CACNA2D3: variants seen among roughly 807,000 people sequenced by gnomAD.
CACNA2D3 encodes the protein voltage-dependent calcium channel subunit alpha-2/delta-3.
CACNA2D3 carries 60 observed loss-of-function variants against 160.6 expected under a neutral mutation model. The observed-to-expected ratio is 0.37, with a 90% CI of 0.30 to 0.46. CACNA2D3 has a LOEUF of 0.46. CACNA2D3 is among the 20% of genes least tolerant of loss of function. CACNA2D3 has a pLI of 1.00. For missense variants in CACNA2D3, 1,205 were observed against 1,365.0 expected, an observed-to-expected ratio of 0.88 and a Z score of 1.85; for synonymous variants, 558 against 492.9, an observed-to-expected ratio of 1.13 and a Z score of -1.75.
At chr3:54,636,603 G>C (rs1699377963) in intron 10 of CACNA2D3, among the ~76,000 whole-genome samples, 1 of 152,018 alleles carries the variant, frequency 6.6e-6, no homozygotes, top group Non-Finnish European at 1.5e-5. Flanking sequence ...GGCTAAAACA[G>C]TAAGGTCAAG....
chr3:54,804,531 G>C (rs890442166), intron 13 of CACNA2D3, among the ~76,000 whole-genome samples: 1 of 152,234 alleles, frequency 6.6e-6, no homozygotes, highest in Non-Finnish European at 1.5e-5. Flanking sequence ...CCCAATACAG[G>C]AGCACCCAGT....
intron 2 of CACNA2D3, among the ~76,000 whole-genome samples, chr3:54,260,842 G>A (rs1222457876): frequency 6.6e-6 from 1 of 152,016 alleles, no homozygotes; most frequent in East Asian, 1.9e-4. Context: ...TTTCAGCTCA[G>A]ATATCATCTC....
intron 3 of CACNA2D3, among the ~76,000 whole-genome samples, chr3:54,328,795 C>G (rs1298663902): frequency 6.6e-6 from 1 of 152,134 alleles, no homozygotes; most frequent in Non-Finnish European, 1.5e-5. Flanking sequence ...AGGGGCCCTC[C>G]CCTTCTCCTC....
intron 35 of CACNA2D3, among the ~76,000 whole-genome samples, chr3:55,033,828 TA>T (rs372184952): frequency 0.074 from 4,073 of 55,282 alleles, 51 homozygotes; most frequent in Non-Finnish European, 0.088. Context: ...TAAATATATT[TA>T]ATATATAATA....
At chr3:54,945,842 A>G (rs1251743006) in intron 27 of CACNA2D3, among the ~76,000 whole-genome samples, 1 of 152,182 alleles carries the variant, frequency 6.6e-6, no homozygotes, top group Non-Finnish European at 1.5e-5. Flanking sequence ...TCTGCCAGGT[A>G]GTCAGTGGGC....
chr3:54,518,857 C>T (rs1701598101), intron 5 of CACNA2D3, among the ~76,000 whole-genome samples: 1 of 152,166 alleles, frequency 6.6e-6, no homozygotes, highest in Non-Finnish European at 1.5e-5. Context: ...AAGCCATCTT[C>T]AGCCTATAAA....
chr3:54,459,104 A>G (rs1372973220), intron 4 of CACNA2D3, among the ~76,000 whole-genome samples: 1 of 152,136 alleles, frequency 6.6e-6, no homozygotes, highest in Non-Finnish European at 1.5e-5. Flanking sequence ...ACATGAACAC[A>G]TCATTTTTAT....
chr3:54,763,449 CTAT>C (rs1702121286), intron 12 of CACNA2D3, among the ~76,000 whole-genome samples: 3 of 152,002 alleles, frequency 2.0e-5, no homozygotes, highest in South Asian at 4.2e-4. Flanking sequence ...TTAATCATAA[CTAT>C]TATTGTTATG....
intron 11 of CACNA2D3, among the ~76,000 whole-genome samples, chr3:54,738,948 C>A (rs776256453): frequency 6.6e-6 from 1 of 152,104 alleles, no homozygotes; most frequent in Non-Finnish European, 1.5e-5. Context: ...AGTTTAAGAC[C>A]AGCCTAGGCA....
At chr3:54,583,669 A>G (rs941519378) in intron 9 of CACNA2D3, among the ~76,000 whole-genome samples, 1 of 152,210 alleles carries the variant, frequency 6.6e-6, no homozygotes, top group African/African-American at 2.4e-5. Flanking sequence ...ACTGTTGAGC[A>G]TTATATCGGT....
chr3:54,714,677 C>G (rs72872252), intron 11 of CACNA2D3, among the ~76,000 whole-genome samples: 4 of 152,190 alleles, frequency 2.6e-5, no homozygotes, highest in African/African-American at 4.8e-5. Context: ...CACTAGACCA[C>G]CTCTTTGCCT....
intron 13 of CACNA2D3, among the ~76,000 whole-genome samples, chr3:54,809,199 T>G (rs1276867258): frequency 6.6e-6 from 1 of 151,696 alleles, no homozygotes; most frequent in Non-Finnish European, 1.5e-5. Context: ...TCCTTCTTTC[T>G]TCTCCTTCCT....
chr3:54,666,062 A>C (rs1700063940), intron 11 of CACNA2D3, among the ~76,000 whole-genome samples: 1 of 152,142 alleles, frequency 6.6e-6, no homozygotes, highest in Admixed American at 6.5e-5. Context: ...TATAGATGGA[A>C]TAGAACTAAC....
At chr3:54,665,711 T>A (rs962716718) in intron 11 of CACNA2D3, among the ~76,000 whole-genome samples, 4 of 151,850 alleles carry the variant, frequency 2.6e-5, no homozygotes, top group Non-Finnish European at 5.9e-5. Flanking sequence ...GCCCCAAATT[T>A]TATGAACTGT....
chr3:54,358,583 A>G (rs1698689455), intron 3 of CACNA2D3, among the ~76,000 whole-genome samples: 1 of 152,200 alleles, frequency 6.6e-6, no homozygotes, highest in African/African-American at 2.4e-5. Flanking sequence ...GCCCTTGAGC[A>G]ATCTCCCAGG....
At chr3:54,505,506 C>T (rs1244454124) in intron 5 of CACNA2D3, among the ~76,000 whole-genome samples, 1 of 152,118 alleles carries the variant, frequency 6.6e-6, no homozygotes, top group Admixed American at 6.5e-5. Context: ...CAAATGGAAC[C>T]AAGACATAGA....
intron 11 of CACNA2D3, among the ~76,000 whole-genome samples, chr3:54,743,034 A>G (rs190650933): frequency 1.1e-3 from 160 of 152,368 alleles, no homozygotes; most frequent in Middle Eastern, 6.8e-3. Context: ...AGTATTGAAA[A>G]TAGAGTCGCA....
At chr3:54,412,448 C>T (rs1699683813) in intron 4 of CACNA2D3, among the ~76,000 whole-genome samples, 1 of 151,724 alleles carries the variant, frequency 6.6e-6, no homozygotes, top group African/African-American at 2.4e-5. Context: ...ATTGCTTTGT[C>T]TTCTGGTTAA....
intron 4 of CACNA2D3, among the ~76,000 whole-genome samples, chr3:54,487,053 A>G (rs1389772070): frequency 6.6e-6 from 1 of 152,172 alleles, no homozygotes; most frequent in African/African-American, 2.4e-5. Flanking sequence ...CTTGATGCAG[A>G]TGATTGGGGA....
Sources: gnomAD v4.1 joint callset for allele counts (sites outside exome capture counted in the v4.1 genomes callset) on GRCh38, gnomAD v4.1.1 for gene constraint, MANE v1.5 for transcripts, NCBI Gene and HGNC (gene_info 2026-07-23, HGNC 2026-07-21) for gene names.